Variants in CUX2 observed in about 807,000 individuals in gnomAD.
CUX2 encodes cut like homeobox 2, also known as homeobox protein cut-like 2.
In CUX2, 40 loss-of-function variants were observed where a neutral mutation model predicts 144.8. The observed-to-expected ratio is 0.28, with a 90% confidence interval of 0.21 to 0.36. The LOEUF (loss-of-function observed/expected upper bound fraction) is 0.36, where lower values mean the gene tolerates loss of function less well. Among genes scored for constraint, CUX2 ranks in the 10% least tolerant of loss-of-function variants. The probability of loss-of-function intolerance (pLI) is 1.00; values close to 1 mark genes in which losing one functional copy is unlikely to be tolerated. For synonymous variants in CUX2, 827 were observed against 875.6 expected (o/e 0.94, Z 0.98); for missense variants, 1,615 against 1,994.0 (o/e 0.81, Z 3.62).
intron 1 of CUX2, among the ~76,000 whole-genome samples, chr12:111,124,192 G>A (rs1424421027): frequency 2.0e-5 from 3 of 152,130 alleles, no homozygotes; most frequent in East Asian, 1.9e-4. Flanking sequence ...CTTGAAAATC[G>A]ATGGATGAAA....
chr12:111,118,788 C>T (rs989073285), intron 1 of CUX2, among the ~76,000 whole-genome samples: 1 of 152,174 alleles, frequency 6.6e-6, no homozygotes, highest in African/African-American at 2.4e-5. Flanking sequence ...TAAAAAAATA[C>T]AGATATACAG....
chr12:111,195,379 GAA>G (rs11285650), intron 1 of CUX2, among the ~76,000 whole-genome samples: 1 of 148,278 alleles, frequency 6.7e-6, no homozygotes, highest in African/African-American at 2.5e-5. Flanking sequence ...ACCCCTAGGA[GAA>G]AAAAAAAAGA....
chr12:111,056,466 C>G (rs563996517), intron 1 of CUX2, among the ~76,000 whole-genome samples: 1 of 152,218 alleles, frequency 6.6e-6, no homozygotes, highest in Non-Finnish European at 1.5e-5. Context: ...ACCTCAGCTA[C>G]CTGTGGGAAC....
intron 1 of CUX2, among the ~76,000 whole-genome samples, chr12:111,107,456 T>C (rs562167442): frequency 1.3e-5 from 2 of 152,394 alleles, no homozygotes; most frequent in Admixed American, 6.5e-5. Flanking sequence ...TTTCTCCATG[T>C]TCCCAGCTAA....
chr12:111,287,318 G>A lies in CUX2; in HGVS notation c.302-4100G>A, dbSNP rs530693219. ...CCGGATCCTCCCCCTCCTTGGAACCGGAGCAAGCCCTCCGTGGCCCTGCGC... is the reference window on the plus strand; with the variant it reads ...CCGGATCCTCCCCCTCCTTGGAACCAGAGCAAGCCCTCCGTGGCCCTGCGC... On this transcript the variant is annotated intron_variant, in intron 4 of 21. Transcript: ENST00000261726. The surrounding 1 kb of genome is among the most constrained non-coding windows in gnomAD (Gnocchi z 4.2). Among the ~76,000 whole-genome samples, 2 of 152,368 alleles carry A rather than the reference G, an allele frequency of 1.3e-5. No homozygotes were observed. Among genetic ancestry groups the A allele is most frequent in the African/African-American group, 2.4e-5 (1 of 41,596 alleles).
intron 1 of CUX2, among the ~76,000 whole-genome samples, chr12:111,080,230 G>T (rs1871804010): frequency 6.6e-6 from 1 of 151,918 alleles, no homozygotes; most frequent in Non-Finnish European, 1.5e-5. Flanking sequence ...CAGCCACCCT[G>T]ACTAAAATCC....
At chr12:111,296,362 C>A in intron 7 of CUX2, 111 bp from the exon 8 acceptor site, 1 of 866,504 alleles carries the variant, frequency 1.2e-6, no homozygotes, top group Non-Finnish European at 1.8e-6. Context: ...ACTACCCGAG[C>A]TCTCATTCTG....
intron 18 of CUX2, among the ~76,000 whole-genome samples, chr12:111,329,120 T>C (rs1437806559): frequency 3.4e-5 from 5 of 147,268 alleles, no homozygotes. Context: ...TCTCTTTTCA[T>C]CTCTCTTGCA....
intron 1 of CUX2, among the ~76,000 whole-genome samples, chr12:111,063,052 C>A (rs1275125759): frequency 6.6e-6 from 1 of 152,110 alleles, no homozygotes; most frequent in Non-Finnish European, 1.5e-5. Flanking sequence ...GGTTTGAGGA[C>A]AGAGAGCCTG....
intron 1 of CUX2, among the ~76,000 whole-genome samples, chr12:111,060,910 G>T (rs1327902738): frequency 6.6e-6 from 1 of 152,224 alleles, no homozygotes; most frequent in Non-Finnish European, 1.5e-5. Context: ...CCTCTGGAAG[G>T]CCAAGTGCCA....
intron 1 of CUX2, among the ~76,000 whole-genome samples, chr12:111,194,536 G>A (rs1880115692): frequency 6.6e-6 from 1 of 152,186 alleles, no homozygotes; most frequent in Admixed American, 6.5e-5. Context: ...CGACCCTGCT[G>A]GGCCCACAGT....
chr12:111,066,695 C>T (rs564980353), intron 1 of CUX2, among the ~76,000 whole-genome samples: 1 of 152,296 alleles, frequency 6.6e-6, no homozygotes, highest in Admixed American at 6.5e-5. Flanking sequence ...TTGCTCTGCT[C>T]TAGGGGAACT....
At chr12:111,231,435 C>T (rs1364137524) in intron 3 of CUX2, among the ~76,000 whole-genome samples, 1 of 152,182 alleles carries the variant, frequency 6.6e-6, no homozygotes, top group African/African-American at 2.4e-5. Context: ...CTGTGTTTAA[C>T]AACCAGATTG....
chr12:111,321,226 T>C (rs1286534616), intron 17 of CUX2, among the ~76,000 whole-genome samples: 1 of 152,020 alleles, frequency 6.6e-6, no homozygotes, highest in Non-Finnish European at 1.5e-5. Flanking sequence ...CCCAGCACTT[T>C]GGGAGGCTGA....
intron 3 of CUX2, among the ~76,000 whole-genome samples, chr12:111,237,916 G>GGTGGGGGTGCCCT (rs1425721870): frequency 6.6e-6 from 1 of 152,132 alleles, no homozygotes; most frequent in Non-Finnish European, 1.5e-5. Context: ...GATTCCTTGT[G>GGTGGGGGTGCCCT]GTGGGGGTGC....
At chr12:111,144,730 G>A (rs1465293984) in intron 1 of CUX2, among the ~76,000 whole-genome samples, 2 of 152,186 alleles carry the variant, frequency 1.3e-5, no homozygotes, top group Non-Finnish European at 2.9e-5. Flanking sequence ...ACTGCTGTCC[G>A]TGGGTTGAGC....
intron 1 of CUX2, among the ~76,000 whole-genome samples, chr12:111,203,035 C>T (rs1477585894): frequency 6.6e-6 from 1 of 151,980 alleles, no homozygotes; most frequent in Non-Finnish European, 1.5e-5. Context: ...AGTTAGAGAC[C>T]AGACTGGCCA....
chr12:111,088,514 C>G (rs1167708982), intron 1 of CUX2, among the ~76,000 whole-genome samples: 1 of 152,126 alleles, frequency 6.6e-6, no homozygotes, highest in Non-Finnish European at 1.5e-5. Flanking sequence ...GGCTGAATCC[C>G]TACGATGTGA....
chr12:111,171,460 A>C lies in CUX2; in HGVS notation c.64-42740A>C, dbSNP rs1332566200. On this transcript the variant is annotated intron_variant, in intron 1 of 21. Coordinates refer to ENST00000261726, the MANE Select transcript of CUX2 (RefSeq NM_015267.4). The surrounding 1 kb of genome is among the most constrained non-coding windows in gnomAD (Gnocchi z 5.0). ...ACCAGTGGGAGTGGGTCTCTCTCTG[A>C]CCCAATGCAAGCAGCCCGGAGACAT... Among the ~76,000 whole-genome samples the C allele has an allele frequency of 1.3e-5, 2 of 152,102 alleles. No homozygotes were observed. Among genetic ancestry groups the C allele is most frequent in the Non-Finnish European group, 2.9e-5 (2 of 68,014 alleles).
Sources: allele counts gnomAD v4.1 joint callset (sites outside exome capture counted in the v4.1 genomes callset), GRCh38; gene constraint gnomAD v4.1.1; non-coding constraint Gnocchi (gnomAD v3.1); transcripts MANE v1.5; gene names NCBI Gene and HGNC (gene_info 2026-07-23, HGNC 2026-07-21).